Variants in ZFPM2 observed in about 807,000 individuals in gnomAD.
The protein encoded by ZFPM2 is zinc finger protein ZFPM2.
ZFPM2 carries 20 observed loss-of-function variants against 98.6 expected under a neutral mutation model. The observed-to-expected ratio is 0.20, with a 90% confidence interval of 0.14 to 0.29. The LOEUF is 0.29. ZFPM2 is among the 10% of genes least tolerant of loss of function. The probability of loss-of-function intolerance (pLI) is 1.00; values close to 1 mark genes in which losing one functional copy is unlikely to be tolerated. For missense variants in ZFPM2, 1,310 were observed against 1,388.6 expected, an observed-to-expected ratio of 0.94 and a Z score of 0.90; for synonymous variants, 518 against 502.7, an observed-to-expected ratio of 1.03 and a Z score of -0.41.
At chr8:105,647,128 T>G (rs1817063821) in intron 5 of ZFPM2, among the ~76,000 whole-genome samples, 1 of 152,200 alleles carries the variant, frequency 6.6e-6, no homozygotes, top group African/African-American at 2.4e-5. Flanking sequence ...GCCTGCTTCT[T>G]GTTGGCCTGC....
intron 3 of ZFPM2, among the ~76,000 whole-genome samples, chr8:105,534,138 CCTTT>C (rs1464157720): frequency 1.4e-5 from 1 of 72,294 alleles, no homozygotes; most frequent in Non-Finnish European, 2.7e-5. Flanking sequence ...TCCCTTCCTT[CCTTT>C]CTTCCTTCCT....
intron 3 of ZFPM2, among the ~76,000 whole-genome samples, chr8:105,481,652 G>C (rs950326735): frequency 6.6e-6 from 1 of 152,124 alleles, no homozygotes; most frequent in Admixed American, 6.6e-5. Context: ...CAAATGTTCA[G>C]TTGAGCAACC....
intron 5 of ZFPM2, among the ~76,000 whole-genome samples, chr8:105,723,992 A>T (rs537858837): frequency 6.6e-6 from 1 of 151,878 alleles, no homozygotes; most frequent in African/African-American, 2.4e-5. Flanking sequence ...TTACATTTTT[A>T]AAGCCAAAAC....
chr8:105,387,060 T>G (rs1453499426), intron 1 of ZFPM2: 1 of 152,556 alleles, frequency 6.6e-6, no homozygotes. Context: ...TAGCTAGACA[T>G]AAATGTTCTC....
At chr8:105,423,227 A>G (rs748082981) in intron 2 of ZFPM2, among the ~76,000 whole-genome samples, 4 of 152,222 alleles carry the variant, frequency 2.6e-5, no homozygotes, top group Non-Finnish European at 5.9e-5. Context: ...TCTTAATTAT[A>G]TAAGTCCATC....
chr8:105,662,572 A>C (rs879895314), intron 5 of ZFPM2: 1 of 151,952 alleles, frequency 6.6e-6, no homozygotes, highest in African/African-American at 2.4e-5. Context: ...AAGCAGCTGC[A>C]GTATCCAAAG....
chr8:105,793,156 A>G (rs1310123649), intron 6 of ZFPM2, among the ~76,000 whole-genome samples: 1 of 151,678 alleles, frequency 6.6e-6, no homozygotes, highest in African/African-American at 2.4e-5. Context: ...TTTGCTCGTT[A>G]GTTGATGCAG....
intron 1 of ZFPM2, among the ~76,000 whole-genome samples, chr8:105,416,831 A>G (rs1811688944): frequency 6.6e-6 from 1 of 152,116 alleles, no homozygotes; most frequent in African/African-American, 2.4e-5. Context: ...GAGCAGCAAG[A>G]GAGTTTTCCA....
chr8:105,718,539 T>C (rs541043393), intron 5 of ZFPM2, among the ~76,000 whole-genome samples: 2 of 152,106 alleles, frequency 1.3e-5, no homozygotes, highest in Non-Finnish European at 2.9e-5. Context: ...ATAATGTCTT[T>C]GAAAGGGTTT....
chr8:105,624,413 G>C (rs1816612219), intron 4 of ZFPM2, among the ~76,000 whole-genome samples: 1 of 152,154 alleles, frequency 6.6e-6, no homozygotes, highest in Non-Finnish European at 1.5e-5. Flanking sequence ...TTCCTCTTCG[G>C]AGCCAAATGT....
chr8:105,614,931 C>T (rs189677854), intron 4 of ZFPM2, among the ~76,000 whole-genome samples: 14 of 152,234 alleles, frequency 9.2e-5, no homozygotes, highest in Admixed American at 3.3e-4. Flanking sequence ...TGAGATTTTA[C>T]TATCAACTGG....
At chr8:105,452,273 G>C (rs950845814) in intron 3 of ZFPM2, among the ~76,000 whole-genome samples, 1 of 151,982 alleles carries the variant, frequency 6.6e-6, no homozygotes, top group Non-Finnish European at 1.5e-5. Context: ...TCTATGGTTT[G>C]AATAACCACT....
intron 5 of ZFPM2, among the ~76,000 whole-genome samples, chr8:105,685,449 C>T (rs1810709921): frequency 6.6e-6 from 1 of 151,972 alleles, no homozygotes; most frequent in South Asian, 2.1e-4. Flanking sequence ...TATTGAAGAT[C>T]TATAGTCTGC....
chr8:105,359,549 T>G (rs1247242454), intron 1 of ZFPM2, among the ~76,000 whole-genome samples: 2 of 151,862 alleles, frequency 1.3e-5, no homozygotes, highest in Non-Finnish European at 2.9e-5. Flanking sequence ...TAATTTTTTG[T>G]ATTTTTAGTA....
intron 5 of ZFPM2, among the ~76,000 whole-genome samples, chr8:105,698,665 C>T (rs996522288): frequency 2.6e-5 from 4 of 151,938 alleles, no homozygotes; most frequent in Admixed American, 2.6e-4. Context: ...ATGGATTATA[C>T]AGAAATTAAA....
At chr8:105,584,702 G>A (rs192992682) in intron 4 of ZFPM2, among the ~76,000 whole-genome samples, 1 of 152,262 alleles carries the variant, frequency 6.6e-6, no homozygotes, top group African/African-American at 2.4e-5. Context: ...CTTATCATGT[G>A]GAGGCCTGAT....
At chr8:105,560,620 A>G (rs976642927) in intron 3 of ZFPM2, among the ~76,000 whole-genome samples, 6 of 126,126 alleles carry the variant, frequency 4.8e-5, no homozygotes, top group Non-Finnish European at 8.5e-5. Flanking sequence ...ATTTATTTGT[A>G]TATTATTCCA....
intron 3 of ZFPM2, among the ~76,000 whole-genome samples, chr8:105,523,168 T>C (rs559638746): frequency 6.6e-6 from 1 of 152,350 alleles, no homozygotes; most frequent in Admixed American, 6.5e-5. Flanking sequence ...CAGTACTTTG[T>C]ACATAATAAA....
intron 3 of ZFPM2, among the ~76,000 whole-genome samples, chr8:105,526,451 A>T (rs1814174873): frequency 1.3e-5 from 2 of 152,188 alleles, no homozygotes; most frequent in African/African-American, 2.4e-5. Flanking sequence ...TGAAGAGAAG[A>T]TACTCAACTG....
Sources: allele counts gnomAD v4.1 joint callset (sites outside exome capture counted in the v4.1 genomes callset), GRCh38; gene constraint gnomAD v4.1.1; transcripts MANE v1.5; gene names NCBI Gene and HGNC (gene_info 2026-07-23, HGNC 2026-07-21).